SIPA1: variants seen among roughly 807,000 people sequenced by gnomAD.
SIPA1 encodes the protein signal-induced proliferation-associated protein 1.
SIPA1 carries 51 observed loss-of-function variants against 88.1 expected under a neutral mutation model. That is an observed-to-expected ratio of 0.58 (90% confidence interval 0.46 to 0.73). The LOEUF is 0.73. Among genes scored for constraint, SIPA1 ranks in the 30% least tolerant of loss-of-function variants. The pLI, the probability that SIPA1 is intolerant of heterozygous loss-of-function variation, is 0.00. For synonymous variants in SIPA1, 681 were observed against 664.8 expected, an observed-to-expected ratio of 1.02 and a Z score of -0.37; for missense variants, 1,348 against 1,467.6, an observed-to-expected ratio of 0.92 and a Z score of 1.33.
Position 65,641,158 on chromosome 11 carries a change from C to G in SIPA1, c.237C>G (p.Ser79Arg). ...RARAHSHEEA[S>R]RPAATSTRLF... ...GTGCCCACAGCCACGAAGAGGCCAG[C>G]CGACCTGCAGCCACTTCCACCCGGC... Residue 79 changes from serine (S) to arginine (R), a missense_variant, in exon 2 of 16, where the codon AGC becomes AGG. Ser to Arg is a moderately radical substitution (Grantham distance 110, BLOSUM62 -1). Around this residue, in one of 4 missense-constraint regions of SIPA1, gnomAD observed 641 missense variants for 797.7 expected, o/e 0.80. Coordinates refer to ENST00000534313, the MANE Select transcript of SIPA1 (RefSeq NM_006747.4). 1.2e-6 allele frequency: 2 copies of G among 1,606,804 alleles called. No individual in the cohort carries two copies. The highest frequency in any genetic ancestry group is 3.4e-4 in the Middle Eastern group (2 of 5,954).
chr11:65,640,663 G>A (rs1030426045), intron 1 of SIPA1, 168 bp from the exon 2 acceptor site: 2 of 453,238 alleles, frequency 4.4e-6, no homozygotes, highest in Non-Finnish European at 7.7e-6. Flanking sequence ...TGGGGAGGGG[G>A]CTGGAAACTT....
rs751746005 is a variant in SIPA1 at position 65,649,438 on chromosome 11, G to A, written c.2483G>A (p.Arg828Lys). ...GGGCCTGGGGATCTGGCCGAGGAGA[G>A]GACTGAGTTCCTGCACAGCCAGAAC... ...PPGPGDLAEE[R>K]TEFLHSQNSL... The change falls in exon 10 of 16, where the codon AGG becomes AAG. Residue 828 changes from arginine (R) to lysine (K), a missense_variant. By Grantham distance (26) the Arg-to-Lys change is conservative. This residue lies in a region of SIPA1 where 615 missense variants were observed against 559.8 expected (regional missense o/e 1.10). Coordinates refer to ENST00000534313, the MANE Select transcript of SIPA1 (RefSeq NM_006747.4). 1 of 1,606,900 alleles carries A rather than the reference G, an allele frequency of 6.2e-7. No homozygotes were observed. Among genetic ancestry groups the A allele is most frequent in the South Asian group, 1.1e-5 (1 of 90,032 alleles).
rs116797247 is a variant in SIPA1 at position 65,650,243 on chromosome 11, C to A, written c.2903+51C>A. 1,555 of 1,592,614 alleles carry A rather than the reference C, an allele frequency of 9.8e-4. 15 individuals carry two copies. The African/African-American group carries it at 0.019, about 19-fold the overall frequency. ...GCTTTACCTGCCCACATGACCCCCC[C>A]TTCGTGCCTGTCTGCTGGGGTGGAG... is the stretch of plus-strand genomic sequence containing the variant. On this transcript the variant is annotated intron_variant, in intron 14 of 15. Transcript: ENST00000534313.
Position 65,649,847 on chromosome 11 carries a change from C to T in SIPA1, c.2728C>T (p.Arg910Trp), listed in dbSNP as rs781554496. ...CTTTCTGCCACGTACCTTGTCTCTG[C>T]GGAACTCCATCAGCAGGAGTGAGTC... Reference protein sequence around the residue: ...ASFLPRTLSLRNSISRIMSEA... With the variant: ...ASFLPRTLSLWNSISRIMSEA... The change falls in exon 12 of 16, where the codon CGG becomes TGG. Residue 910 changes from arginine to tryptophan, a missense_variant. Physicochemically the swap from Arg to Trp is moderately radical, Grantham distance 101. Around this residue, in one of 4 missense-constraint regions of SIPA1, gnomAD observed 615 missense variants for 559.8 expected, o/e 1.10. Coordinates refer to ENST00000534313, the MANE Select transcript of SIPA1 (RefSeq NM_006747.4). The T allele has an allele frequency of 9.3e-6, 15 of 1,613,916 alleles. No homozygotes were observed. Among genetic ancestry groups the T allele is most frequent in the South Asian group, 3.3e-5 (3 of 91,084 alleles).
Position 65,646,748 on chromosome 11 carries a change from G to A in SIPA1, c.1714G>A (p.Gly572Ser). ...GRRRAAPRGP[G>S]AELQAAGSLV... ...GCGCCGGGCGGCCCCTCGGGGCCCA[G>A]GCGCCGAGCTGCAGGCAGCGGGCTC... The change falls in exon 8 of 16, where the codon GGC (glycine) becomes AGC (serine). Residue 572 changes from glycine (G) to serine (S), a missense_variant. By Grantham distance (56) the Gly-to-Ser change is moderately conservative. This residue lies in a region of SIPA1 where 68 missense variants were observed against 59.0 expected (regional missense o/e 1.15). Coordinates refer to ENST00000534313, the MANE Select transcript of SIPA1 (RefSeq NM_006747.4). The surrounding 1 kb of genome is among the most constrained non-coding windows in gnomAD (Gnocchi z 7.5). 1 of 1,508,044 alleles carries A rather than the reference G, an allele frequency of 6.6e-7. No homozygotes were observed. Among genetic ancestry groups the A allele is most frequent in the Middle Eastern group, 2.2e-4 (1 of 4,532 alleles). 93.4% of individuals were successfully genotyped at this position (1,508,044 alleles called of 1,614,324 possible).
Position 65,646,789 on chromosome 11 carries a change from G to C in SIPA1, c.1755G>C (p.Val585=). The C allele has an allele frequency of 7.6e-7, 1 of 1,313,608 alleles. No homozygotes were observed. The highest frequency in any genetic ancestry group is 9.7e-7 in the Non-Finnish European group (1 of 1,035,168). The allele number at this position is 1,313,608 out of a possible 1,614,324, so 81.4% of individuals were successfully genotyped here. Residue 585 remains valine, a synonymous_variant, in exon 8 of 16, where the codon GTG becomes GTC. Transcript: ENST00000534313. The surrounding 1 kb of genome is among the most constrained non-coding windows in gnomAD (Gnocchi z 7.5). ...LQAAGSLVWG[V]RAAPGARVAA... ...CAGCGGGCTCACTGGTGTGGGGAGTGCGCGCGGCGCCCGGGGCGCGGGTCG... is the reference window on the plus strand; with the variant it reads ...CAGCGGGCTCACTGGTGTGGGGAGTCCGCGCGGCGCCCGGGGCGCGGGTCG...
In SIPA1 at chr11:65,642,007, C is replaced by G. The variant is rs533977011; in HGVS notation, c.680-243C>G. ...GAGAATGAGGGCGTGGTGGGTGGAG[C>G]CAAGGCAGGATTTAGGCCTGGGAGC... On this transcript the variant is annotated intron_variant, in intron 2 of 15. Coordinates refer to ENST00000534313, the MANE Select transcript of SIPA1 (RefSeq NM_006747.4). This position sits in a 1 kb window ranked among gnomAD's most constrained non-coding sequence, Gnocchi z 6.5. 4.4e-5 allele frequency: 25 copies of G among 572,702 alleles called. No individual in the cohort carries two copies. The African/African-American group carries it at 4.6e-4, about 11-fold the overall frequency. 35.5% of individuals were successfully genotyped at this position (572,702 alleles called of 1,614,324 possible).
In SIPA1 at chr11:65,649,738, A is replaced by G; in HGVS notation, c.2638-19A>G. On this transcript the variant is annotated intron_variant, in intron 11 of 15. Coordinates refer to ENST00000534313, the MANE Select transcript of SIPA1 (RefSeq NM_006747.4). Reference sequence around the variant, plus strand: ...TGACAGTGGGCATCACTGAATCTGTATCCACTTCTGTGGCACAGGACAGGC... The same window carrying G: ...TGACAGTGGGCATCACTGAATCTGTGTCCACTTCTGTGGCACAGGACAGGC... 1 of 1,614,044 alleles carries G rather than the reference A, an allele frequency of 6.2e-7. No homozygotes were observed. Among genetic ancestry groups the G allele is most frequent in the Non-Finnish European group, 8.5e-7 (1 of 1,179,964 alleles).
chr11:65,650,695 C>A lies in SIPA1; in HGVS notation c.3109C>A (p.Pro1037Thr). 6.3e-7 allele frequency: 1 copy of A among 1,580,740 alleles called. No homozygotes were observed. Among genetic ancestry groups the A allele is most frequent in the Non-Finnish European group, 8.6e-7 (1 of 1,163,450 alleles). ...CCTGGCCTCCAAGCAGCTGGGCTCA[C>A]CCACCGCCGACCTGGCCTGAGCCGT... ...LLLASKQLGSPTADLA is the reference protein window; with the variant it reads ...LLLASKQLGSTTADLA The change falls in exon 16 of 16, where the codon CCC becomes ACC. Residue 1037 changes from proline (P) to threonine (T), a missense_variant. By Grantham distance (38) the Pro-to-Thr change is conservative. Transcript: ENST00000534313.
In SIPA1 at chr11:65,646,842, A is replaced by G. The variant is rs1379081053; in HGVS notation, c.1808A>G (p.Glu603Gly). 7.0e-7 allele frequency: 1 copy of G among 1,426,508 alleles called. No homozygotes were observed. The allele number at this position is 1,426,508 out of a possible 1,614,324, so 88.4% of individuals were successfully genotyped here. ...GCCGGGGCTCAGGCGAGCGGCCCCG[A>G]AGGCATCGAGGTGCCCTGCCTGCTG... The part of the protein sequence containing the change: ...VAAGAQASGP[E>G]GIEVPCLLGI... The change falls in exon 8 of 16, where the codon GAA becomes GGA. Residue 603 changes from glutamate to glycine, a missense_variant. Around this residue, in one of 4 missense-constraint regions of SIPA1, gnomAD observed 68 missense variants for 59.0 expected, o/e 1.15. Transcript: ENST00000534313. This position sits in a 1 kb window ranked among gnomAD's most constrained non-coding sequence, Gnocchi z 7.5.
intron 4 of SIPA1, among the ~76,000 whole-genome samples, chr11:65,643,609 A>G (rs1388052476): frequency 1.3e-5 from 2 of 152,196 alleles, no homozygotes; most frequent in East Asian, 1.9e-4. Flanking sequence ...GAACACTGAA[A>G]GGGAATGTTG....
chr11:65,647,441 C>G lies in SIPA1; in HGVS notation c.2089C>G (p.Arg697Gly), dbSNP rs1856150464. The part of the protein sequence containing the change: ...ELALPRDGQG[R>G]LGFEVDAEGF... ...GGCGCTGCCCCGCGACGGTCAAGGC[C>G]GCCTGGGCTTCGAGGTGGACGCCGA... The change falls in exon 9 of 16, where the codon CGC (arginine) becomes GGC (glycine). Residue 697 changes from arginine (R) to glycine (G), a missense_variant. Arg to Gly is a moderately radical substitution (Grantham distance 125). This residue lies in a region of SIPA1 where 615 missense variants were observed against 559.8 expected (regional missense o/e 1.10). Transcript: ENST00000534313. 1 of 1,481,338 alleles carries G rather than the reference C, an allele frequency of 6.8e-7. No individual in the cohort carries two copies. Among genetic ancestry groups the G allele is most frequent in the Non-Finnish European group, 8.9e-7 (1 of 1,123,834 alleles). The allele number at this position is 1,481,338 out of a possible 1,614,324, so 91.8% of individuals were successfully genotyped here. A position where few individuals can be genotyped will look rare whatever the true frequency, so the allele number is the denominator to read the frequency against.
intron 5 of SIPA1, among the ~76,000 whole-genome samples, chr11:65,645,544 C>T (rs563685458): frequency 6.6e-6 from 1 of 152,232 alleles, no homozygotes; most frequent in Admixed American, 6.5e-5. Flanking sequence ...GACACCTGTC[C>T]TCCTAGGACA....
rs776147357 is a variant in SIPA1 at position 65,646,344 on chromosome 11, G to A, written c.1387G>A (p.Ala463Thr). 7 of 1,613,212 alleles carry A rather than the reference G, an allele frequency of 4.3e-6. No homozygotes were observed. The South Asian group carries it at 6.6e-5, about 15-fold the overall frequency. ...CCAGCACGTGTTCCTAGTGGTGCGG[G>A]CACACACACCCTGCACGCCACACAC... ...HFQHVFLVVR[A>T]HTPCTPHTTY... The change falls in exon 7 of 16, where the codon GCA becomes ACA. Residue 463 changes from alanine to threonine, a missense_variant. Around this residue, in one of 4 missense-constraint regions of SIPA1, gnomAD observed 641 missense variants for 797.7 expected, o/e 0.80. Coordinates refer to ENST00000534313, the MANE Select transcript of SIPA1 (RefSeq NM_006747.4). This position sits in a 1 kb window ranked among gnomAD's most constrained non-coding sequence, Gnocchi z 7.5.
chr11:65,639,431 A>G (rs1283771920), intron 1 of SIPA1, among the ~76,000 whole-genome samples: 4 of 152,230 alleles, frequency 2.6e-5, no homozygotes, highest in Admixed American at 6.5e-5. Flanking sequence ...TTTAGAGATG[A>G]GAAAACAGAG....
In SIPA1 at chr11:65,647,381, C is replaced by T; in HGVS notation, c.2032-3C>T. On this transcript the variant is annotated splice_polypyrimidine_tract_variant and splice_region_variant and intron_variant, in intron 8 of 15. Coordinates refer to ENST00000534313, the MANE Select transcript of SIPA1 (RefSeq NM_006747.4). ...CCGCCCACTCGTCCCGCCCCGTCCG[C>T]AGCTGGTGAGCCGTGGCTGCGAGAC... The T allele has an allele frequency of 7.0e-7, 1 of 1,433,158 alleles. No individual in the cohort carries two copies. The highest frequency in any genetic ancestry group is 1.4e-5 in the South Asian group (1 of 72,586). 88.8% of individuals were successfully genotyped at this position (1,433,158 alleles called of 1,614,324 possible).
chr11:65,645,142 G>A lies in SIPA1; in HGVS notation c.1159+13G>A, dbSNP rs1856083512. 2 of 1,611,540 alleles carry A rather than the reference G, an allele frequency of 1.2e-6. No individual in the cohort carries two copies. Among genetic ancestry groups the A allele is most frequent in the East Asian group, 4.5e-5 (2 of 44,870 alleles). ...CTAGACACCAAAAGTGAGGCCCAGG[G>A]GCAGGAGGGGTGGGAGCAGATCTGT... On this transcript the variant is annotated intron_variant, in intron 5 of 15. Transcript: ENST00000534313.
rs1227084597 is a variant in SIPA1, at chr11:65,642,828, C to T, written c.984+189C>T. Reference sequence around the variant, plus strand: ...TGCGTCTCAAAGTGAGCTCTGTAGACCAGCAGTATCCACATCATGTAGAAA... The same window carrying T: ...TGCGTCTCAAAGTGAGCTCTGTAGATCAGCAGTATCCACATCATGTAGAAA... On this transcript the variant is annotated intron_variant, in intron 4 of 15. Coordinates refer to ENST00000534313, the MANE Select transcript of SIPA1 (RefSeq NM_006747.4). This position sits in a 1 kb window ranked among gnomAD's most constrained non-coding sequence, Gnocchi z 6.5. Among the ~76,000 whole-genome samples the T allele has an allele frequency of 1.3e-5, 2 of 152,208 alleles. No homozygotes were observed. Among genetic ancestry groups the T allele is most frequent in the Non-Finnish European group, 2.9e-5 (2 of 68,046 alleles).
chr11:65,640,562 G>T (rs1350118061), intron 1 of SIPA1, among the ~76,000 whole-genome samples: 2 of 152,242 alleles, frequency 1.3e-5, no homozygotes, highest in Non-Finnish European at 2.9e-5. Flanking sequence ...GGTGGCGACT[G>T]GGGGACCCTG....
Sources: gnomAD v4.1 joint callset for allele counts (sites outside exome capture counted in the v4.1 genomes callset) on GRCh38, gnomAD v4.1.1 for gene constraint, gnomAD v4.1.1 regional missense constraint, Gnocchi (gnomAD v3.1) non-coding constraint, MANE v1.5 for transcripts, NCBI Gene and HGNC (gene_info 2026-07-23, HGNC 2026-07-21) for gene names.